The following CDH8 variants were observed in gnomAD, a reference collection of about 807,000 sequenced individuals.
CDH8 encodes cadherin-8.
A neutral mutation model predicts 68.1 loss-of-function variants in CDH8; 17 were observed. The ratio of observed to expected loss-of-function variants is 0.25; its 90% CI spans 0.17 to 0.37. The LOEUF (loss-of-function observed/expected upper bound fraction) is 0.37, where lower values mean the gene tolerates loss of function less well. Ranked by LOEUF, CDH8 falls within the 10% of genes least tolerant of loss-of-function variation. The probability of loss-of-function intolerance (pLI) is 1.00; values close to 1 mark genes in which losing one functional copy is unlikely to be tolerated. For synonymous variants in CDH8, 372 were observed against 365.1 expected, an observed-to-expected ratio of 1.02 and a Z score of -0.21; for missense variants, 763 against 999.3, an observed-to-expected ratio of 0.76 and a Z score of 3.19.
intron 2 of CDH8, among the ~76,000 whole-genome samples, chr16:61,968,341 C>G (rs1424799198): frequency 6.6e-6 from 1 of 152,188 alleles, no homozygotes; most frequent in Non-Finnish European, 1.5e-5. Flanking sequence ...GTTTTTCCCA[C>G]TCTTTCACTG....
At position 61,704,164 on chromosome 16, in the gene CDH8, C is replaced by T. The variant is rs117403039; in HGVS notation, c.1654+9677G>A. On this transcript the variant is annotated intron_variant, in intron 10 of 11. Transcript: ENST00000577390. ...CTAGGTATATCCCTTAACTTTGACA[C>T]GCACATAGCGATGTTTCATGTCTGT... 4.8e-3 allele frequency among the ~76,000 whole-genome samples: 726 copies of T among 152,286 alleles called. 6 individuals are homozygous for T. Among genetic ancestry groups the T allele is most frequent in the Middle Eastern group, 0.031 (9 of 294 alleles).
At chr16:61,749,441 A>G (rs1960104245) in intron 8 of CDH8, among the ~76,000 whole-genome samples, 1 of 152,128 alleles carries the variant, frequency 6.6e-6, no homozygotes, top group Non-Finnish European at 1.5e-5. Context: ...TTGGACTTTT[A>G]TCTGACTGGT....
At chr16:61,814,476 T>C (rs1417587907) in intron 7 of CDH8, among the ~76,000 whole-genome samples, 2 of 152,174 alleles carry the variant, frequency 1.3e-5, no homozygotes, top group African/African-American at 4.8e-5. Flanking sequence ...AAATACATGA[T>C]ATTTCTAGCT....
At chr16:61,850,083 A>C (rs1351620851) in intron 4 of CDH8, among the ~76,000 whole-genome samples, 1 of 152,048 alleles carries the variant, frequency 6.6e-6, no homozygotes, top group East Asian at 1.9e-4. Context: ...AATACCTGAG[A>C]CTGGGTAATT....
intron 8 of CDH8, among the ~76,000 whole-genome samples, chr16:61,779,141 A>G (rs544383824): frequency 1.3e-5 from 2 of 152,290 alleles, no homozygotes; most frequent in East Asian, 1.9e-4. Context: ...ATGCCATGCC[A>G]ATTGTCTGCT....
At chr16:61,814,007 T>A (rs1962017229) in intron 7 of CDH8, among the ~76,000 whole-genome samples, 4 of 152,106 alleles carry the variant, frequency 2.6e-5, no homozygotes, top group Non-Finnish European at 5.9e-5. Context: ...CTAAAATAAG[T>A]TTTAGGTTCT....
chr16:61,950,392 G>T (rs1037686731), intron 2 of CDH8, among the ~76,000 whole-genome samples: 1 of 152,160 alleles, frequency 6.6e-6, no homozygotes, highest in African/African-American at 2.4e-5. Context: ...TTTACCGGAT[G>T]TGCATAAGAG....
At chr16:61,909,203 C>T (rs997056619) in intron 2 of CDH8, among the ~76,000 whole-genome samples, 8 of 152,012 alleles carry the variant, frequency 5.3e-5, no homozygotes, top group African/African-American at 1.9e-4. Context: ...CTGGTGTGAG[C>T]GTTGAACAGC....
intron 8 of CDH8, among the ~76,000 whole-genome samples, chr16:61,781,747 T>C (rs148987699): frequency 3.3e-5 from 5 of 152,356 alleles, no homozygotes; most frequent in South Asian, 2.1e-4. Flanking sequence ...ATACAACTTT[T>C]CTGAGAGGCT....
At chr16:61,899,833 C>CAAAG (rs977378264) in intron 3 of CDH8, among the ~76,000 whole-genome samples, 1 of 27,364 alleles carries the variant, frequency 3.7e-5, no homozygotes, top group Non-Finnish European at 7.6e-5. Flanking sequence ...GTTATAAAGA[C>CAAAG]ACACACACAC....
chr16:61,844,358 C>T (rs1188495621), intron 4 of CDH8, among the ~76,000 whole-genome samples: 4 of 150,786 alleles, frequency 2.7e-5, no homozygotes, highest in African/African-American at 7.3e-5. Context: ...TGCAGCACAC[C>T]AACATGGCAC....
chr16:61,697,030 G>T (rs112287431), intron 10 of CDH8, among the ~76,000 whole-genome samples: 22 of 152,180 alleles, frequency 1.4e-4, no homozygotes, highest in African/African-American at 4.8e-4. Flanking sequence ...ATATATAAAA[G>T]CTCAGCAACA....
chr16:61,695,267 T>C (rs530721936), intron 10 of CDH8, among the ~76,000 whole-genome samples: 152 of 152,196 alleles, frequency 1.0e-3, no homozygotes, highest in Non-Finnish European at 1.9e-3. Flanking sequence ...TGTCAGTAGG[T>C]AAAGTCCCCA....
At chr16:61,835,047 A>AG (rs1168005524) in intron 4 of CDH8, among the ~76,000 whole-genome samples, 2 of 151,976 alleles carry the variant, frequency 1.3e-5, no homozygotes, top group African/African-American at 4.8e-5. Context: ...CAGAATGCTT[A>AG]GTAAGATATT....
rs946405255 is a variant in CDH8, at chr16:61,650,190, A to G, written c.*3418T>C. 6.6e-6 allele frequency: 1 copy of G among 152,096 alleles called. No individual in the cohort carries two copies. Among genetic ancestry groups the G allele is most frequent in the African/African-American group, 2.4e-5 (1 of 41,412 alleles). 9.4% of individuals were successfully genotyped at this position (152,096 alleles called of 1,614,324 possible). ...AACTTATAACTATACTCATAAAAAT[A>G]TTGTTAAGAAATGCCCCCCTTAATA... On this transcript the variant is annotated 3_prime_UTR_variant, in exon 12 of 12. Transcript: ENST00000577390.
chr16:61,959,815 C>A (rs887559049), intron 2 of CDH8, among the ~76,000 whole-genome samples: 9 of 148,168 alleles, frequency 6.1e-5, no homozygotes, highest in African/African-American at 2.2e-4. Context: ...ACAAATCTCT[C>A]TCTCTCTGTA....
chr16:61,894,621 C>A (rs1963839105), intron 3 of CDH8, among the ~76,000 whole-genome samples: 1 of 152,024 alleles, frequency 6.6e-6, no homozygotes, highest in Non-Finnish European at 1.5e-5. Flanking sequence ...TAAATTTATT[C>A]TAAATCAAAG....
At chr16:62,030,044 T>C (rs1306739028) in intron 1 of CDH8, among the ~76,000 whole-genome samples, 1 of 152,194 alleles carries the variant, frequency 6.6e-6, no homozygotes, top group Non-Finnish European at 1.5e-5. Context: ...TAGATTACAC[T>C]GTGTAGTAAC....
chr16:61,999,185 G>A (rs1019302848), intron 2 of CDH8, among the ~76,000 whole-genome samples: 2 of 152,148 alleles, frequency 1.3e-5, no homozygotes, highest in African/African-American at 2.4e-5. Flanking sequence ...TACTTCTCAT[G>A]TATTTACTGC....
Sources: allele counts gnomAD v4.1 joint callset (sites outside exome capture counted in the v4.1 genomes callset), GRCh38; gene constraint gnomAD v4.1.1; transcripts MANE v1.5; gene names NCBI Gene and HGNC (gene_info 2026-07-23, HGNC 2026-07-21).